Variants in CELF2 observed in about 807,000 individuals in gnomAD.
CELF2 encodes the protein CUG triplet repeat RNA-binding protein 2.
In CELF2, 8 loss-of-function variants were observed where a neutral mutation model predicts 62.6. The observed-to-expected ratio is 0.13, with a 90% confidence interval of 0.07 to 0.23. CELF2 has a LOEUF of 0.23. CELF2 is among the 10% of genes least tolerant of loss of function. The pLI, the probability that CELF2 is intolerant of heterozygous loss-of-function variation, is 1.00. For missense variants in CELF2, 333 were observed against 671.0 expected (o/e 0.50, Z 5.56); for synonymous variants, 258 against 250.0 (o/e 1.03, Z -0.30).
chr10:11,266,579 G>A lies in CELF2; in HGVS notation c.539-19G>A, dbSNP rs1229922790. ...TTGTTTTTTGTCTTTCCTGCTCCCT[G>A]TCCCCTTGTTTCCCACAGGCTGTGC... On this transcript the variant is annotated intron_variant, in intron 5 of 12. Transcript: ENST00000633077. 1 of 1,608,896 alleles carries A rather than the reference G, an allele frequency of 6.2e-7. No homozygotes were observed. Among genetic ancestry groups the A allele is most frequent in the Admixed American group, 1.7e-5 (1 of 59,958 alleles).
At chr10:10,732,147 C>T in the CELF2 span, among the ~76,000 whole-genome samples, 1 of 152,288 alleles carries the variant, frequency 6.6e-6, no homozygotes, top group Non-Finnish European at 1.5e-5. Flanking sequence ...CAAACTCTTG[C>T]CTTGGCAGGG....
At chr10:10,921,136 G>A (rs1411806264) in intron 2 of CELF2, among the ~76,000 whole-genome samples, 4 of 151,850 alleles carry the variant, frequency 2.6e-5, no homozygotes, top group East Asian at 1.9e-4. Context: ...TGTATTTTTC[G>A]TAGAGACAGA....
chr10:11,025,437 G>C (rs142164902), intron 1 of CELF2, among the ~76,000 whole-genome samples: 2 of 152,160 alleles, frequency 1.3e-5, no homozygotes, highest in Non-Finnish European at 2.9e-5. Flanking sequence ...CACGAGATCC[G>C]ATGGTTTTAT....
intron 2 of CELF2, among the ~76,000 whole-genome samples, chr10:10,959,122 G>A (rs983881192): frequency 3.9e-5 from 6 of 152,048 alleles, no homozygotes; most frequent in South Asian, 2.1e-4. Flanking sequence ...GCCTAGCGTC[G>A]TGGTAGCTAC....
At chr10:10,469,584 A>G in the CELF2 span, among the ~76,000 whole-genome samples, 9 of 151,856 alleles carry the variant, frequency 5.9e-5, no homozygotes, top group Admixed American at 1.3e-4. Flanking sequence ...GTCTTTTTTC[A>G]TGAAAGATAC....
the CELF2 span, among the ~76,000 whole-genome samples, chr10:10,668,060 A>C: frequency 6.6e-6 from 1 of 152,352 alleles, no homozygotes; most frequent in Non-Finnish European, 1.5e-5. Context: ...ACCAGCCTAG[A>C]GGGAGAGACT....
the CELF2 span, among the ~76,000 whole-genome samples, chr10:10,594,490 A>T: frequency 6.6e-6 from 1 of 152,226 alleles, no homozygotes; most frequent in Non-Finnish European, 1.5e-5. Flanking sequence ...GGCTAAGCTC[A>T]GAGAAGAGCC....
the CELF2 span, among the ~76,000 whole-genome samples, chr10:10,622,059 G>A: frequency 1.3e-5 from 2 of 152,174 alleles, no homozygotes; most frequent in African/African-American, 4.8e-5. Flanking sequence ...ACCTGTGTGG[G>A]TTTTCAAAAG....
At chr10:10,818,226 A>T (rs966414879) in intron 1 of CELF2, among the ~76,000 whole-genome samples, 13 of 152,162 alleles carry the variant, frequency 8.5e-5, no homozygotes, top group African/African-American at 3.1e-4. Context: ...GGCCTCCAGG[A>T]ACTCCTCTGG....
chr10:10,504,914 G>T, the CELF2 span, among the ~76,000 whole-genome samples: 1 of 151,924 alleles, frequency 6.6e-6, no homozygotes, highest in Non-Finnish European at 1.5e-5. Context: ...CCTTGCTGAA[G>T]CTTTCTTTTT....
chr10:11,063,891 C>T (rs553135113), intron 1 of CELF2, among the ~76,000 whole-genome samples: 23 of 152,276 alleles, frequency 1.5e-4, no homozygotes, highest in African/African-American at 4.1e-4. Context: ...GCTTTTGCTT[C>T]CAGAGGGGAG....
At chr10:11,103,230 T>C (rs2052304505) in intron 1 of CELF2, among the ~76,000 whole-genome samples, 1 of 152,132 alleles carries the variant, frequency 6.6e-6, no homozygotes, top group Admixed American at 6.5e-5. Flanking sequence ...CCCCACACCA[T>C]GCTTACATCT....
At chr10:10,559,419 A>G in the CELF2 span, among the ~76,000 whole-genome samples, 103 of 152,354 alleles carry the variant, frequency 6.8e-4, no homozygotes, top group African/African-American at 2.3e-3. Flanking sequence ...GAATGTTACA[A>G]GGGTTCTGGA....
At chr10:10,961,707 C>A (rs1384984576) in intron 2 of CELF2, among the ~76,000 whole-genome samples, 1 of 150,970 alleles carries the variant, frequency 6.6e-6, no homozygotes, top group Non-Finnish European at 1.5e-5. Context: ...GCCAAGATGG[C>A]ACCACTGCAC....
At chr10:10,884,567 T>C (rs2061636584) in intron 1 of CELF2, among the ~76,000 whole-genome samples, 1 of 152,214 alleles carries the variant, frequency 6.6e-6, no homozygotes, top group Non-Finnish European at 1.5e-5. Flanking sequence ...ACAGAACTTA[T>C]CCTACCCTTT....
chr10:10,512,811 C>T, the CELF2 span, among the ~76,000 whole-genome samples: 1 of 152,168 alleles, frequency 6.6e-6, no homozygotes, highest in African/African-American at 2.4e-5. Context: ...TTTAGTTCCT[C>T]TACTGAATTT....
At chr10:11,251,558 C>T (rs1419639665) in intron 4 of CELF2, among the ~76,000 whole-genome samples, 2 of 152,056 alleles carry the variant, frequency 1.3e-5, no homozygotes, top group African/African-American at 2.4e-5. Flanking sequence ...TGCTGTTTTT[C>T]AAGCAGCAGC....
chr10:10,657,046 T>C, the CELF2 span, among the ~76,000 whole-genome samples: 1 of 152,062 alleles, frequency 6.6e-6, no homozygotes, highest in African/African-American at 2.4e-5. Flanking sequence ...AATGGATAAA[T>C]TAAATGTTGT....
At chr10:10,898,861 G>A (rs186484124) in intron 1 of CELF2, among the ~76,000 whole-genome samples, 3 of 152,216 alleles carry the variant, frequency 2.0e-5, no homozygotes, top group South Asian at 2.1e-4. Context: ...ACCCTGGGCC[G>A]TAAAATAAGT....
Sources: allele counts gnomAD v4.1 joint callset (sites outside exome capture counted in the v4.1 genomes callset), GRCh38; gene constraint gnomAD v4.1.1; transcripts MANE v1.5; gene names NCBI Gene and HGNC (gene_info 2026-07-23, HGNC 2026-07-21).